Variants in NLGN1 observed in about 807,000 individuals in gnomAD.
The protein encoded by NLGN1 is neuroligin-1.
A neutral mutation model predicts 65.5 loss-of-function variants in NLGN1; 12 were observed. The observed-to-expected ratio is 0.18, with a 90% CI of 0.12 to 0.30. The LOEUF is 0.30. NLGN1 is among the 10% of genes least tolerant of loss of function. The pLI is 1.00. For missense variants in NLGN1, 750 were observed against 1,007.1 expected, an observed-to-expected ratio of 0.74 and a Z score of 3.46; for synonymous variants, 350 against 359.5, an observed-to-expected ratio of 0.97 and a Z score of 0.30.
intron 2 of NLGN1, among the ~76,000 whole-genome samples, chr3:173,571,113 A>C (rs769652059): frequency 6.6e-6 from 1 of 152,210 alleles, no homozygotes; most frequent in Non-Finnish European, 1.5e-5. Context: ...GAAAAATAGC[A>C]GTGTTTACTA....
chr3:174,075,323 A>G (rs1740690348), intron 4 of NLGN1, among the ~76,000 whole-genome samples: 1 of 152,198 alleles, frequency 6.6e-6, no homozygotes, highest in Admixed American at 6.6e-5. Flanking sequence ...TACTGTCAAG[A>G]TAAGTTATTA....
intron 2 of NLGN1, among the ~76,000 whole-genome samples, chr3:173,519,499 G>A (rs1052101075): frequency 6.6e-6 from 1 of 152,232 alleles, no homozygotes; most frequent in Non-Finnish European, 1.5e-5. Context: ...CCAAGGCTTT[G>A]GAAACACACC....
intron 2 of NLGN1, among the ~76,000 whole-genome samples, chr3:173,557,731 A>G (rs1397185390): frequency 6.6e-6 from 1 of 152,076 alleles, no homozygotes; most frequent in Non-Finnish European, 1.5e-5. Flanking sequence ...TGTTGCTGTC[A>G]TTTATTCCTA....
intron 2 of NLGN1, among the ~76,000 whole-genome samples, chr3:173,533,302 T>G (rs1012655749): frequency 6.6e-6 from 1 of 152,222 alleles, no homozygotes; most frequent in Non-Finnish European, 1.5e-5. Flanking sequence ...TCTTCATAAT[T>G]TTTCTCAAAG....
rs115964569 is a variant in NLGN1, at chr3:173,590,971, A to G, written c.-320-13308A>G. 4.3e-3 allele frequency among the ~76,000 whole-genome samples: 649 copies of G among 152,230 alleles called. 5 individuals are homozygous for G. The highest frequency in any genetic ancestry group is 0.015 in the African/African-American group (607 of 41,562). ...TATTTTCTTCCATGAAGAAAATGTG[A>G]TATCTCAGGGAACGTTGGAATTACT... is the stretch of plus-strand genomic sequence containing the variant. On this transcript the variant is annotated intron_variant, in intron 2 of 6. Transcript: ENST00000457714.
At position 174,279,290 on chromosome 3, in the gene NLGN1, A is replaced by G. The variant is rs1414298263; in HGVS notation, c.1289A>G (p.Asp430Gly). Reference sequence around the variant, plus strand: ...TTATATGGATATCCTGAAGGCAAAGATGTTTTGAGAGAAACCATTAAGTTC... The same window carrying G: ...TTATATGGATATCCTGAAGGCAAAGGTGTTTTGAGAGAAACCATTAAGTTC... Residue 430 changes from aspartate (D) to glycine (G), a missense_variant, in exon 6 of 7, where the codon GAT becomes GGT. Transcript: ENST00000457714. The surrounding 1 kb of genome is among the most constrained non-coding windows in gnomAD (Gnocchi z 4.7). The G allele has an allele frequency of 6.2e-7, 1 of 1,613,396 alleles. No individual in the cohort carries two copies. The highest frequency in any genetic ancestry group is 8.5e-7 in the Non-Finnish European group (1 of 1,179,562).
At chr3:173,747,091 CAA>C in intron 3 of NLGN1, among the ~76,000 whole-genome samples, 1 of 146,048 alleles carries the variant, frequency 6.8e-6, no homozygotes, top group Admixed American at 6.9e-5. Context: ...CACACACACA[CAA>C]ACACACACGT....
rs1050946666 is a variant in NLGN1 at position 173,942,109 on chromosome 3, G to GGTGTGTGT, written c.646+134302_646+134309dup. Among the ~76,000 whole-genome samples the GGTGTGTGT allele has an allele frequency of 7.3e-3, 1,049 of 144,124 alleles. 14 individuals carry two copies. Among genetic ancestry groups the GGTGTGTGT allele is most frequent in the African/African-American group, 0.025 (982 of 38,646 alleles). 94.6% of individuals were successfully genotyped at this position (144,124 alleles called of 152,430 possible). On this transcript the variant is annotated intron_variant, in intron 4 of 6. Coordinates refer to ENST00000457714, the Ensembl canonical transcript of NLGN1. ...ATGGTCAGGAATATTGGTGGTTGGG[G>GGTGTGTGT]GTGTGTGTGTGTGTGTGTGTGTGTG...
intron 2 of NLGN1, among the ~76,000 whole-genome samples, chr3:173,437,819 G>A (rs1003336645): frequency 4.6e-5 from 7 of 150,888 alleles, no homozygotes; most frequent in South Asian, 2.1e-4. Context: ...ACACACACAC[G>A]TGCTGTATTG....
chr3:173,770,034 G>A (rs1779355951), intron 3 of NLGN1, among the ~76,000 whole-genome samples: 1 of 152,160 alleles, frequency 6.6e-6, no homozygotes, highest in South Asian at 2.1e-4. Flanking sequence ...CAAGGATACA[G>A]CAAAGTTTGG....
At chr3:173,400,578 A>G (rs1371996891) in intron 1 of NLGN1, among the ~76,000 whole-genome samples, 2 of 152,134 alleles carry the variant, frequency 1.3e-5, no homozygotes, top group African/African-American at 4.8e-5. Flanking sequence ...TACACCAATG[A>G]TAGGACAGAA....
intron 4 of NLGN1, among the ~76,000 whole-genome samples, chr3:173,898,208 G>T (rs1736671906): frequency 6.6e-6 from 1 of 152,102 alleles, no homozygotes; most frequent in Non-Finnish European, 1.5e-5. Flanking sequence ...CAATGTTTTT[G>T]CAATCTTTCA....
At chr3:173,725,188 G>GA (rs1162954991) in intron 3 of NLGN1, among the ~76,000 whole-genome samples, 4 of 150,996 alleles carry the variant, frequency 2.6e-5, no homozygotes, top group Non-Finnish European at 5.9e-5. Context: ...AATAAAAAAA[G>GA]AAAAAAATAA....
At chr3:173,403,258 C>T (rs1414344114) in intron 1 of NLGN1, among the ~76,000 whole-genome samples, 1 of 152,028 alleles carries the variant, frequency 6.6e-6, no homozygotes, top group African/African-American at 2.4e-5. Flanking sequence ...TACTATATTA[C>T]ATGTCTAAAT....
At chr3:173,892,162 C>T (rs968512819) in intron 4 of NLGN1, among the ~76,000 whole-genome samples, 4 of 151,008 alleles carry the variant, frequency 2.6e-5, no homozygotes, top group Admixed American at 2.0e-4. Context: ...GAAACTTTGT[C>T]ACGTATATTT....
chr3:173,441,376 C>G (rs1577476469), intron 2 of NLGN1, among the ~76,000 whole-genome samples: 1 of 152,110 alleles, frequency 6.6e-6, no homozygotes, highest in African/African-American at 2.4e-5. Flanking sequence ...TAGCTTTTGG[C>G]CTATTTTGGT....
chr3:173,465,409 A>G (rs528573398), intron 2 of NLGN1, among the ~76,000 whole-genome samples: 1 of 152,316 alleles, frequency 6.6e-6, no homozygotes, highest in East Asian at 1.9e-4. Flanking sequence ...GGTGAGAACA[A>G]TTATGGCAGC....
intron 4 of NLGN1, among the ~76,000 whole-genome samples, chr3:173,959,091 G>A (rs761312602): frequency 1.4e-4 from 22 of 152,240 alleles, no homozygotes; most frequent in Non-Finnish European, 2.2e-4. Flanking sequence ...AGATGCCTGG[G>A]TCTGCAGCTG....
chr3:174,001,618 C>T (rs1156944520), intron 4 of NLGN1, among the ~76,000 whole-genome samples: 1 of 152,188 alleles, frequency 6.6e-6, no homozygotes, highest in Non-Finnish European at 1.5e-5. Flanking sequence ...ACCCATGCAT[C>T]TCTGACCTTG....
Sources: allele counts gnomAD v4.1 joint callset (sites outside exome capture counted in the v4.1 genomes callset), GRCh38; gene constraint gnomAD v4.1.1; non-coding constraint Gnocchi (gnomAD v3.1); transcripts MANE v1.5; gene names NCBI Gene and HGNC (gene_info 2026-07-23, HGNC 2026-07-21).